HRH1: variants seen among roughly 807,000 people sequenced by gnomAD.
HRH1 encodes histamine receptor H1, also known as histamine H1 receptor.
In HRH1, 6 loss-of-function variants were observed where a neutral mutation model predicts 10.3. That is an observed-to-expected ratio of 0.58 (90% confidence interval 0.32 to 1.15). The LOEUF is 1.15. HRH1 is among the 50% of genes most tolerant of loss of function. The pLI, the probability that HRH1 is intolerant of heterozygous loss-of-function variation, is 0.05. For synonymous variants in HRH1, 242 were observed against 236.7 expected (o/e 1.02, Z -0.21); for missense variants, 514 against 615.3 (o/e 0.84, Z 1.74).
chr3:11,146,057 C>T (rs1035353020), intron 1 of HRH1, among the ~76,000 whole-genome samples: 3 of 152,120 alleles, frequency 2.0e-5, no homozygotes, highest in Admixed American at 2.0e-4. Flanking sequence ...ATTTTCATTG[C>T]TCTTGGAGAC....
In HRH1 at chr3:11,231,252, T is replaced by A. The variant is rs114492215; in HGVS notation, c.-35-27751T>A. Among the ~76,000 whole-genome samples, 412 of 152,368 alleles carry A rather than the reference T, an allele frequency of 2.7e-3. 2 individuals are homozygous for A. The highest frequency in any genetic ancestry group is 9.3e-3 in the African/African-American group (385 of 41,580). ...ATTCACCCATCAAAGGGTAGCTGGT[T>A]GTTTCCAGCATTGAGCTATTATGAA... On this transcript the variant is annotated intron_variant, in intron 1 of 1. Coordinates refer to ENST00000431010, the MANE Select transcript of HRH1 (RefSeq NM_001098212.2).
chr3:11,219,950 G>GT (rs552227637), intron 1 of HRH1, among the ~76,000 whole-genome samples: 22,599 of 110,194 alleles, frequency 0.21, 2,187 homozygotes, highest in Middle Eastern at 0.28. Context: ...TTAATGTGTT[G>GT]TTTTTTTTTT....
intron 1 of HRH1, among the ~76,000 whole-genome samples, chr3:11,212,249 CA>C (rs951843496): frequency 6.6e-6 from 1 of 151,992 alleles, no homozygotes; most frequent in African/African-American, 2.4e-5. Context: ...TGCCTTCCTT[CA>C]AATGAGAAGG....
At chr3:11,224,849 C>T (rs970931572) in intron 1 of HRH1, among the ~76,000 whole-genome samples, 1 of 152,140 alleles carries the variant, frequency 6.6e-6, no homozygotes, top group South Asian at 2.1e-4. Context: ...GTTCCCACTT[C>T]CAAAGGTTGC....
At chr3:11,256,829 A>G (rs1272069681) in intron 1 of HRH1, among the ~76,000 whole-genome samples, 1 of 152,134 alleles carries the variant, frequency 6.6e-6, no homozygotes, top group Non-Finnish European at 1.5e-5. Flanking sequence ...TTAGCCTTCT[A>G]CTCAAGAACT....
intron 1 of HRH1, among the ~76,000 whole-genome samples, chr3:11,252,334 A>G (rs562890687): frequency 2.4e-4 from 36 of 152,322 alleles, no homozygotes; most frequent in Admixed American, 1.9e-3. Flanking sequence ...TTCATCCCAC[A>G]GAAAATTTAA....
intron 1 of HRH1, among the ~76,000 whole-genome samples, chr3:11,184,441 T>C (rs1268360829): frequency 6.6e-6 from 1 of 152,056 alleles, no homozygotes; most frequent in Non-Finnish European, 1.5e-5. Flanking sequence ...TCTTGCTTCC[T>C]CTCTTAGAAT....
At chr3:11,171,862 C>A (rs546331521) in intron 1 of HRH1, among the ~76,000 whole-genome samples, 54 of 152,312 alleles carry the variant, frequency 3.5e-4, no homozygotes, top group African/African-American at 1.3e-3. Context: ...AGTAGGATAT[C>A]TAAACTCAAC....
intron 1 of HRH1, among the ~76,000 whole-genome samples, chr3:11,224,780 G>A (rs1938829284): frequency 6.6e-6 from 1 of 152,186 alleles, no homozygotes; most frequent in Admixed American, 6.5e-5. Flanking sequence ...TAACTGTGAG[G>A]TTGGACCAGG....
chr3:11,203,163 C>G (rs1937994330), intron 1 of HRH1, among the ~76,000 whole-genome samples: 1 of 152,206 alleles, frequency 6.6e-6, no homozygotes, highest in African/African-American at 2.4e-5. Context: ...CAAAGGACAT[C>G]TTACTTGCCT....
chr3:11,246,036 ACT>A (rs1178074361), intron 1 of HRH1, among the ~76,000 whole-genome samples: 1 of 150,290 alleles, frequency 6.7e-6, no homozygotes, highest in Non-Finnish European at 1.5e-5. Flanking sequence ...TCATACACAC[ACT>A]CACACATTCA....
chr3:11,245,037 A>G (rs1009436699), intron 1 of HRH1, among the ~76,000 whole-genome samples: 1 of 152,182 alleles, frequency 6.6e-6, no homozygotes, highest in Non-Finnish European at 1.5e-5. Flanking sequence ...CCAAATGTCA[A>G]TGGTAGGACC....
At chr3:11,216,893 C>G (rs1345902261) in intron 1 of HRH1, among the ~76,000 whole-genome samples, 2 of 145,294 alleles carry the variant, frequency 1.4e-5, no homozygotes, top group African/African-American at 5.1e-5. Context: ...AAAAAAAGAC[C>G]AAAAAACAGG....
At chr3:11,196,917 GGCTAA>G (rs1937675288) in intron 1 of HRH1, among the ~76,000 whole-genome samples, 1 of 146,098 alleles carries the variant, frequency 6.8e-6, no homozygotes, top group African/African-American at 2.6e-5. Flanking sequence ...AGACCATCCT[GGCTAA>G]CATGGTGAAA....
chr3:11,202,044 A>G (rs1469774014), intron 1 of HRH1, among the ~76,000 whole-genome samples: 1 of 152,210 alleles, frequency 6.6e-6, no homozygotes, highest in Non-Finnish European at 1.5e-5. Context: ...TTCTTCCTTA[A>G]TACATACGGT....
intron 1 of HRH1, among the ~76,000 whole-genome samples, chr3:11,193,222 G>A (rs1937582121): frequency 6.6e-6 from 1 of 152,210 alleles, no homozygotes; most frequent in Admixed American, 6.5e-5. Flanking sequence ...GCAGGCTGAT[G>A]CCTGCTCTTT....
intron 1 of HRH1, among the ~76,000 whole-genome samples, chr3:11,224,246 A>G (rs1938806801): frequency 6.6e-6 from 1 of 152,162 alleles, no homozygotes; most frequent in Non-Finnish European, 1.5e-5. Flanking sequence ...GGGGAGAGAA[A>G]AGCTCTGCAT....
At chr3:11,188,140 C>T (rs148120651) in intron 1 of HRH1, among the ~76,000 whole-genome samples, 1 of 152,274 alleles carries the variant, frequency 6.6e-6, no homozygotes, top group Non-Finnish European at 1.5e-5. Context: ...CGTTGTTTAA[C>T]TTTATCAAAT....
chr3:11,259,687 T>C lies in HRH1; in HGVS notation c.650T>C (p.Val217Ala), dbSNP rs1189954273. The stretch of plus-strand genomic sequence containing the variant: ...TTCTATGCCAAGATCTACAAGGCCG[T>C]ACGACAACACTGCCAGCACCGGGAG... Reference protein sequence around the residue: ...LWFYAKIYKAVRQHCQHRELI... With the variant: ...LWFYAKIYKAARQHCQHRELI... The change falls in exon 2 of 2, where the codon GTA (valine) becomes GCA (alanine). Residue 217 changes from valine (V) to alanine (A), a missense_variant. Transcript: ENST00000431010. This position sits in a 1 kb window ranked among gnomAD's most constrained non-coding sequence, Gnocchi z 4.6. 2 of 1,614,146 alleles carry C rather than the reference T, an allele frequency of 1.2e-6. No individual in the cohort carries two copies. The highest frequency in any genetic ancestry group is 2.2e-5 in the East Asian group (1 of 44,866).
Sources: gnomAD v4.1 joint callset for allele counts (sites outside exome capture counted in the v4.1 genomes callset) on GRCh38, gnomAD v4.1.1 for gene constraint, Gnocchi (gnomAD v3.1) non-coding constraint, MANE v1.5 for transcripts, NCBI Gene and HGNC (gene_info 2026-07-23, HGNC 2026-07-21) for gene names.